TMEM160: variants seen among roughly 807,000 people sequenced by gnomAD.
TMEM160 encodes the protein transmembrane protein 160.
In TMEM160, 10 loss-of-function variants were observed where a neutral mutation model predicts 13.9. That is an observed-to-expected ratio of 0.72 (90% CI 0.45 to 1.22). The LOEUF is 1.22. Ranked by LOEUF, TMEM160 falls within the 50% of genes most tolerant of loss-of-function variation. The pLI, the probability that TMEM160 is intolerant of heterozygous loss-of-function variation, is 0.00. For synonymous variants in TMEM160, 159 were observed against 134.8 expected (o/e 1.18, Z -1.25); for missense variants, 287 against 283.2 (o/e 1.01, Z -0.10).
intron 1 of TMEM160, chr19:47,047,897 G>A: frequency 1.0e-6 from 1 of 984,378 alleles, no homozygotes; most frequent in Non-Finnish European, 1.2e-6. Flanking sequence ...GCTCCATTCT[G>A]GACCTCGCCT....
chr19:47,046,699 G>A lies in TMEM160; in HGVS notation c.209-14C>T. ...AGGAGAGGAAGGCTGGAGGGAGGGG[G>A]ACATGGGGGGATTAACATCACCCCC... On this transcript the variant is annotated splice_polypyrimidine_tract_variant and intron_variant, in intron 1 of 2. Transcript: ENST00000253047. 6.3e-7 allele frequency: 1 copy of A among 1,588,836 alleles called. No individual in the cohort carries two copies. Among genetic ancestry groups the A allele is most frequent in the Non-Finnish European group, 8.6e-7 (1 of 1,158,980 alleles).
chr19:47,048,365 A>C, intron 1 of TMEM160, 42 bp downstream of exon 1: 2 of 1,394,188 alleles, frequency 1.4e-6, no homozygotes, highest in South Asian at 1.3e-5. Context: ...CGAGCCCGGG[A>C]CCCCCGTCCC....
chr19:47,046,765 G>A, intron 1 of TMEM160, 80 bp from the exon 2 acceptor site: 6 of 1,082,516 alleles, frequency 5.5e-6, no homozygotes, highest in Non-Finnish European at 7.0e-6. Flanking sequence ...TCAAACTGAG[G>A]GGCCTCCCTT....
In TMEM160 at chr19:47,048,534, C is replaced by A; in HGVS notation, c.81G>T (p.Arg27=). The part of the protein sequence containing the change: ...RFRRSLLPPQ[R]PRSGGARGSF... Reference sequence around the variant, plus strand: ...ACCCCCGGGCGCCCCCGCTCCGGGGCCGCTGAGGCGGCAGTAGCGACCTCC... The same window carrying A: ...ACCCCCGGGCGCCCCCGCTCCGGGGACGCTGAGGCGGCAGTAGCGACCTCC... The change falls in exon 1 of 3, where the codon CGG becomes CGT. Residue 27 remains arginine (R), a synonymous_variant. Transcript: ENST00000253047. 6.7e-7 allele frequency: 1 copy of A among 1,497,202 alleles called. No homozygotes were observed. The highest frequency in any genetic ancestry group is 8.8e-7 in the Non-Finnish European group (1 of 1,130,964). The allele number at this position is 1,497,202 out of a possible 1,614,324, so 92.7% of individuals were successfully genotyped here.
intron 1 of TMEM160, chr19:47,047,871 C>A (rs947416129): frequency 6.8e-5 from 67 of 981,308 alleles, no homozygotes; most frequent in Middle Eastern, 1.0e-3. Context: ...AAAAAAAAAA[C>A]AAACATGGCC....
Position 47,046,295 on chromosome 19 carries a change from T to A in TMEM160, c.302-43A>T, listed in dbSNP as rs1261695601. The A allele has an allele frequency of 4.0e-6, 6 of 1,508,070 alleles. No individual in the cohort carries two copies. In the Admixed American group the frequency reaches 1.4e-4, roughly 34 times the overall value. The allele number at this position is 1,508,070 out of a possible 1,614,324, so 93.4% of individuals were successfully genotyped here. A position where few individuals can be genotyped will look rare whatever the true frequency, so the allele number is the denominator to read the frequency against. On this transcript the variant is annotated intron_variant, in intron 2 of 2. Coordinates refer to ENST00000253047, the MANE Select transcript of TMEM160 (RefSeq NM_017854.2). ...TAGCAACAGGGCCAAGGTCGGGGGA[T>A]GGTCTGGGAGCAAAGCCAGGGTTGA...
chr19:47,047,462 C>T (rs2057086550), intron 1 of TMEM160: 5 of 984,810 alleles, frequency 5.1e-6, no homozygotes, highest in Admixed American at 6.2e-5. Flanking sequence ...GGGCCAATCC[C>T]ATCCATGTCC....
rs1320155939 is a variant in TMEM160, at chr19:47,048,619, C to G, written c.-5G>C. 7 of 1,532,960 alleles carry G rather than the reference C, an allele frequency of 4.6e-6. No homozygotes were observed. The highest frequency in any genetic ancestry group is 2.8e-5 in the African/African-American group (2 of 70,606). 95.0% of individuals were successfully genotyped at this position (1,532,960 alleles called of 1,614,324 possible). A position where few individuals can be genotyped will look rare whatever the true frequency, so the allele number is the denominator to read the frequency against. ...CCACCACCAGCCGCCTCCCATGATTCGCACTACGGCCGCCGCGCGCCGTAC... is the reference window on the plus strand; with the variant it reads ...CCACCACCAGCCGCCTCCCATGATTGGCACTACGGCCGCCGCGCGCCGTAC... On this transcript the variant is annotated 5_prime_UTR_variant, in exon 1 of 3. Transcript: ENST00000253047.
chr19:47,046,726 A>G, intron 1 of TMEM160, 41 bp from the exon 2 acceptor site: 1 of 1,404,266 alleles, frequency 7.1e-7, no homozygotes, highest in South Asian at 1.1e-5. Context: ...ATCACCCCCA[A>G]CCCTACCTCC....
intron 1 of TMEM160, 35 bp from the exon 2 acceptor site, chr19:47,046,720 C>T (rs1599930917): frequency 1.4e-6 from 2 of 1,465,856 alleles, no homozygotes; most frequent in Non-Finnish European, 9.5e-7. Context: ...ATTAACATCA[C>T]CCCCAACCCT....
Position 47,046,993 on chromosome 19 carries a change from T to C in TMEM160, c.209-308A>G, listed in dbSNP as rs184822219. The stretch of plus-strand genomic sequence containing the variant: ...TTGGGAGGCCAAGGCAGGCGGATCA[T>C]GAGGTCAGGAGTTTGAGACCAGCCT... On this transcript the variant is annotated intron_variant, in intron 1 of 2. Coordinates refer to ENST00000253047, the MANE Select transcript of TMEM160 (RefSeq NM_017854.2). Among the ~76,000 whole-genome samples, 184 of 152,302 alleles carry C rather than the reference T, an allele frequency of 1.2e-3. 1 individual carries two copies. Among genetic ancestry groups the C allele is most frequent in the Middle Eastern group, 6.8e-3 (2 of 294 alleles).
intron 2 of TMEM160, 27 bp downstream of exon 2, chr19:47,046,566 G>T: frequency 6.3e-7 from 1 of 1,582,602 alleles, no homozygotes; most frequent in East Asian, 2.2e-5. Context: ...CTGGTTCCGT[G>T]GGGCGAGAGG....
intron 1 of TMEM160, chr19:47,047,750 G>T: frequency 1.8e-6 from 1 of 552,258 alleles, no homozygotes; most frequent in Non-Finnish European, 2.3e-6. Flanking sequence ...GGAGGCTGAG[G>T]CAAGAGGATA....
chr19:47,046,565 T>TG (rs2057081153), intron 2 of TMEM160, 28 bp downstream of exon 2: 4 of 1,579,158 alleles, frequency 2.5e-6, no homozygotes, highest in Non-Finnish European at 3.5e-6. Flanking sequence ...CCTGGTTCCG[T>TG]GGGGCGAGAG....
In TMEM160 at chr19:47,046,040, C is replaced by T. The variant is rs867757739; in HGVS notation, c.514G>A (p.Gly172Arg). The T allele has an allele frequency of 1.3e-6, 2 of 1,549,226 alleles. No homozygotes were observed. Among genetic ancestry groups the T allele is most frequent in the Non-Finnish European group, 1.7e-6 (2 of 1,154,616 alleles). Residue 172 changes from glycine (G) to arginine (R), a missense_variant, in exon 3 of 3, where the codon GGG (glycine) becomes AGG (arginine). Coordinates refer to ENST00000253047, the MANE Select transcript of TMEM160 (RefSeq NM_017854.2). ...LDVELVPEDD[G>R]TASAEGPDEA... ...TCAGGGCCTTCCGCGGAGGCCGTCC[C>T]GTCGTCCTCGGGCACCAGCTCCACG...
intron 1 of TMEM160, chr19:47,047,955 T>A (rs1343567275): frequency 2.0e-6 from 2 of 984,582 alleles, no homozygotes; most frequent in Non-Finnish European, 2.4e-6. Context: ...CCCCCTCCAA[T>A]CAGCAGAGAG....
rs1263822268 is a variant in TMEM160 at position 47,048,409 on chromosome 19, G to C, written c.206C>G (p.Thr69Arg). Reference protein sequence around the residue: ...DAWLLRKAHETAFLSWFRNGL... With the variant: ...DAWLLRKAHERAFLSWFRNGL... ...CGCCCCCACCCCTAGCCACCGACCT[G>C]TCTCGTGCGCTTTTCGGAGGAGCCA... The change falls in exon 1 of 3, where the codon ACA (threonine) becomes AGA (arginine). Residue 69 changes from threonine (T) to arginine (R), a missense_variant and splice_region_variant. By Grantham distance (71) the Thr-to-Arg change is moderately conservative. Transcript: ENST00000253047. 8.7e-6 allele frequency: 13 copies of C among 1,486,572 alleles called. No homozygotes were observed. The South Asian group carries it at 1.5e-4, about 17-fold the overall frequency. 92.1% of individuals were successfully genotyped at this position (1,486,572 alleles called of 1,614,324 possible).
chr19:47,048,517 G>T lies in TMEM160; in HGVS notation c.98C>A (p.Ala33Asp). 6.8e-7 allele frequency: 1 copy of T among 1,471,078 alleles called. No homozygotes were observed. 91.1% of individuals were successfully genotyped at this position (1,471,078 alleles called of 1,614,324 possible). ...LPPQRPRSGG[A>D]RGSFAPGHGP... ...GTGGCCGGGGGCGAAGGACCCCCGG[G>T]CGCCCCCGCTCCGGGGCCGCTGAGG... Residue 33 changes from alanine (A) to aspartate (D), a missense_variant, in exon 1 of 3, where the codon GCC becomes GAC. Physicochemically the swap from Ala to Asp is moderately radical, Grantham distance 126. Coordinates refer to ENST00000253047, the MANE Select transcript of TMEM160 (RefSeq NM_017854.2).
Position 47,048,409 on chromosome 19 carries a change from G to A in TMEM160, c.206C>T (p.Thr69Ile). 6.7e-7 allele frequency: 1 copy of A among 1,486,572 alleles called. No homozygotes were observed. The highest frequency in any genetic ancestry group is 8.9e-7 in the Non-Finnish European group (1 of 1,128,006). The allele number at this position is 1,486,572 out of a possible 1,614,324, so 92.1% of individuals were successfully genotyped here. A position where few individuals can be genotyped will look rare whatever the true frequency, so the allele number is the denominator to read the frequency against. The change falls in exon 1 of 3, where the codon ACA (threonine) becomes ATA (isoleucine). Residue 69 changes from threonine to isoleucine, a missense_variant and splice_region_variant. Physicochemically the swap from Thr to Ile is moderately conservative, Grantham distance 89 (BLOSUM62 -1). Transcript: ENST00000253047. ...DAWLLRKAHETAFLSWFRNGL... is the reference protein window; with the variant it reads ...DAWLLRKAHEIAFLSWFRNGL... ...CGCCCCCACCCCTAGCCACCGACCT[G>A]TCTCGTGCGCTTTTCGGAGGAGCCA...
Sources: gnomAD v4.1 joint callset for allele counts (sites outside exome capture counted in the v4.1 genomes callset) on GRCh38, gnomAD v4.1.1 for gene constraint, MANE v1.5 for transcripts, NCBI Gene and HGNC (gene_info 2026-07-23, HGNC 2026-07-21) for gene names.